AGAP1: variants seen among roughly 807,000 people sequenced by gnomAD.
AGAP1 encodes the protein arf-GAP with GTPase, ANK repeat and PH domain-containing protein 1.
AGAP1 carries 29 observed loss-of-function variants against 105.3 expected under a neutral mutation model. The ratio of observed to expected loss-of-function variants is 0.28; its 90% CI spans 0.21 to 0.38. The LOEUF (loss-of-function observed/expected upper bound fraction) is 0.38. Among genes scored for constraint, AGAP1 ranks in the 10% least tolerant of loss-of-function variants. The probability of loss-of-function intolerance (pLI) is 1.00; values close to 1 mark genes in which losing one functional copy is unlikely to be tolerated. For missense variants in AGAP1, 998 were observed against 1,165.1 expected, an observed-to-expected ratio of 0.86 and a Z score of 2.09; for synonymous variants, 509 against 485.9, an observed-to-expected ratio of 1.05 and a Z score of -0.63.
chr2:235,852,047 G>A (rs1026688577), intron 9 of AGAP1, among the ~76,000 whole-genome samples: 1 of 152,126 alleles, frequency 6.6e-6, no homozygotes, highest in Non-Finnish European at 1.5e-5. Flanking sequence ...AGCTGCTGCC[G>A]ACTCTGAAAC....
chr2:235,523,914 T>G (rs1490623687), intron 1 of AGAP1, among the ~76,000 whole-genome samples: 1 of 151,646 alleles, frequency 6.6e-6, no homozygotes, highest in Non-Finnish European at 1.5e-5. Context: ...GCAGCGTGCC[T>G]CCTCATCCCT....
chr2:235,920,141 G>T (rs2052108063), intron 11 of AGAP1, among the ~76,000 whole-genome samples: 1 of 152,154 alleles, frequency 6.6e-6, no homozygotes, highest in Admixed American at 6.5e-5. Flanking sequence ...TTGCAACTGG[G>T]TCTGGATTCT....
In AGAP1 at chr2:235,983,347, C is replaced by G. The variant is rs1307885485; in HGVS notation, c.1645+14724C>G. On this transcript the variant is annotated intron_variant, in intron 13 of 17. Coordinates refer to ENST00000304032, the MANE Select transcript of AGAP1 (RefSeq NM_001037131.3). The surrounding 1 kb of genome is among the most constrained non-coding windows in gnomAD (Gnocchi z 4.5). ...GCCCCCTCCTTTTGTTCAGCTCCTCCTCTCCAGCACCAACCTCCCATCACT... is the reference window on the plus strand; with the variant it reads ...GCCCCCTCCTTTTGTTCAGCTCCTCGTCTCCAGCACCAACCTCCCATCACT... Among the ~76,000 whole-genome samples, 1 of 152,194 alleles carries G rather than the reference C, an allele frequency of 6.6e-6. No homozygotes were observed. Among genetic ancestry groups the G allele is most frequent in the Non-Finnish European group, 1.5e-5 (1 of 68,038 alleles).
chr2:235,759,388 C>T (rs1005262942), intron 6 of AGAP1, among the ~76,000 whole-genome samples: 2 of 150,914 alleles, frequency 1.3e-5, no homozygotes, highest in Admixed American at 1.3e-4. Context: ...CCAGGATGGT[C>T]TTGATCTCCT....
At chr2:235,997,745 A>G (rs2125490581) in intron 13 of AGAP1, among the ~76,000 whole-genome samples, 1 of 152,348 alleles carries the variant, frequency 6.6e-6, no homozygotes, top group African/African-American at 2.4e-5. Context: ...CCTAACTAAA[A>G]AATCTGAAGA....
In AGAP1 at chr2:235,788,593, G is replaced by A. The variant is rs1422460695; in HGVS notation, c.674-9166G>A. 6.6e-6 allele frequency among the ~76,000 whole-genome samples: 1 copy of A among 152,008 alleles called. No individual in the cohort carries two copies. Among genetic ancestry groups the A allele is most frequent in the African/African-American group, 2.4e-5 (1 of 41,378 alleles). ...TGAGGCCGGGCAAGGAGAGGAGTGG[G>A]AGGGTCCATCGGTGTCGTCAGTGCA... On this transcript the variant is annotated intron_variant, in intron 6 of 17. Transcript: ENST00000304032. The surrounding 1 kb of genome is among the most constrained non-coding windows in gnomAD (Gnocchi z 6.0).
In AGAP1 at chr2:235,584,410, T is replaced by C. The variant is rs1488219518; in HGVS notation, c.163+89561T>C. 2.0e-5 allele frequency among the ~76,000 whole-genome samples: 3 copies of C among 149,924 alleles called. No homozygotes were observed. The East Asian group carries it at 5.9e-4, about 29-fold the overall frequency. ...GTTCAAGTCCTAACCTTGGTAGCTG[T>C]GTGTGTGGCCATACTTGGAGATGGT... On this transcript the variant is annotated intron_variant, in intron 1 of 17. Transcript: ENST00000304032.
intron 13 of AGAP1, among the ~76,000 whole-genome samples, chr2:236,034,712 C>T (rs1391466312): frequency 1.3e-5 from 2 of 152,228 alleles, no homozygotes; most frequent in African/African-American, 4.8e-5. Flanking sequence ...AGTGCCGACA[C>T]CCCAAGCGGG....
chr2:236,112,651 G>A (rs749089560), intron 16 of AGAP1, among the ~76,000 whole-genome samples: 33 of 152,112 alleles, frequency 2.2e-4, no homozygotes, highest in Non-Finnish European at 4.4e-4. Flanking sequence ...TGGGAGCAGC[G>A]TGGGCATCCC....
intron 13 of AGAP1, among the ~76,000 whole-genome samples, chr2:235,972,471 C>A (rs6717028): frequency 6.6e-6 from 1 of 152,180 alleles, no homozygotes; most frequent in East Asian, 1.9e-4. Flanking sequence ...TGCAGAGATG[C>A]GGGGAGAAAG....
rs1436154650 is a variant in AGAP1, at chr2:236,012,340, A to G, written c.1646-24221A>G. Reference sequence around the variant, plus strand: ...CTATTTATATGTAAATATTGCTGCAAGAGGTAAGTTGTACTCTTGAGGAGT... The same window carrying G: ...CTATTTATATGTAAATATTGCTGCAGGAGGTAAGTTGTACTCTTGAGGAGT... On this transcript the variant is annotated intron_variant, in intron 13 of 17. Coordinates refer to ENST00000304032, the MANE Select transcript of AGAP1 (RefSeq NM_001037131.3). This position sits in a 1 kb window ranked among gnomAD's most constrained non-coding sequence, Gnocchi z 4.9. 1.5e-4 allele frequency among the ~76,000 whole-genome samples: 22 copies of G among 145,778 alleles called. No homozygotes were observed. Among genetic ancestry groups the G allele is most frequent in the Admixed American group, 1.3e-3 (20 of 15,058 alleles).
At chr2:235,847,423 A>G (rs563523767) in intron 9 of AGAP1, among the ~76,000 whole-genome samples, 32 of 152,356 alleles carry the variant, frequency 2.1e-4, no homozygotes, top group South Asian at 4.1e-4. Context: ...CACAGTGTAC[A>G]TACTCAATAT....
Position 235,974,468 on chromosome 2 carries a change from A to T in AGAP1, c.1645+5845A>T, listed in dbSNP as rs372209586. On this transcript the variant is annotated intron_variant, in intron 13 of 17. Coordinates refer to ENST00000304032, the MANE Select transcript of AGAP1 (RefSeq NM_001037131.3). ...GAGGGTATGCAGAAATCCTGGTGTT[A>T]TCCCCCCCTTGGGTTCACAGCGCTT... Among the ~76,000 whole-genome samples, 3 of 152,334 alleles carry T rather than the reference A, an allele frequency of 2.0e-5. No individual in the cohort carries two copies. In the South Asian group the frequency reaches 6.2e-4, roughly 32 times the overall value.
intron 2 of AGAP1, 140 bp from the exon 3 acceptor site, chr2:235,717,417 A>G (rs1183080250): frequency 6.7e-6 from 4 of 598,388 alleles, no homozygotes; most frequent in Non-Finnish European, 1.2e-5. Flanking sequence ...GAAGTATTGA[A>G]TGAGCTTGTT....
At position 236,123,241 on chromosome 2, in the gene AGAP1, T is replaced by A. The variant is rs1191358250; in HGVS notation, c.2371-678T>A. On this transcript the variant is annotated intron_variant, in intron 17 of 17. Transcript: ENST00000304032. This position sits in a 1 kb window ranked among gnomAD's most constrained non-coding sequence, Gnocchi z 4.6. ...GGCATATGCCACGTGCCCAGCTAAT[T>A]TTTTTAAAATGTGTTTTTTTCTAGA... Among the ~76,000 whole-genome samples the A allele has an allele frequency of 2.0e-5, 3 of 152,140 alleles. No individual in the cohort carries two copies.
At position 236,049,078 on chromosome 2, in the gene AGAP1, G is replaced by A. The variant is rs2057817098; in HGVS notation, c.1911G>A (p.Leu637=). 6.2e-7 allele frequency: 1 copy of A among 1,614,106 alleles called. No individual in the cohort carries two copies. Among genetic ancestry groups the A allele is most frequent in the Non-Finnish European group, 8.5e-7 (1 of 1,179,964 alleles). ...CCGTAGATCCCAACTGGGCCAGTTT[G>A]AACTTGGGAGCCCTCATGTGCATCG... The part of the protein sequence containing the change: ...CETQNPNWAS[L]NLGALMCIEC... The change falls in exon 16 of 18, where the codon TTG becomes TTA. Residue 637 remains leucine (L), a synonymous_variant. Transcript: ENST00000304032.
intron 1 of AGAP1, among the ~76,000 whole-genome samples, chr2:235,624,819 C>T (rs948610957): frequency 6.6e-6 from 1 of 152,094 alleles, no homozygotes; most frequent in African/African-American, 2.4e-5. Flanking sequence ...TGGTTCAGCA[C>T]CATCCCCTTG....
chr2:235,866,740 G>A lies in AGAP1; in HGVS notation c.1051-16605G>A, dbSNP rs1286950202. On this transcript the variant is annotated intron_variant, in intron 9 of 17. Coordinates refer to ENST00000304032, the MANE Select transcript of AGAP1 (RefSeq NM_001037131.3). The surrounding 1 kb of genome is among the most constrained non-coding windows in gnomAD (Gnocchi z 6.1). ...CTTGGATCAAGGCCTCAGTGGGATT[G>A]GCTTCTCCTGAAGCCTCTCTCCTTG... is the stretch of plus-strand genomic sequence containing the variant. Among the ~76,000 whole-genome samples the A allele has an allele frequency of 1.3e-5, 2 of 152,170 alleles. No homozygotes were observed. The highest frequency in any genetic ancestry group is 6.5e-5 in the Admixed American group (1 of 15,284).
At chr2:236,054,374 A>G (rs2057991615) in intron 16 of AGAP1, among the ~76,000 whole-genome samples, 1 of 150,272 alleles carries the variant, frequency 6.7e-6, no homozygotes, top group South Asian at 2.1e-4. Flanking sequence ...CAGCCCCAGG[A>G]TTGTCTCATC....
Sources: allele counts gnomAD v4.1 joint callset (sites outside exome capture counted in the v4.1 genomes callset), GRCh38; gene constraint gnomAD v4.1.1; non-coding constraint Gnocchi (gnomAD v3.1); transcripts MANE v1.5; gene names NCBI Gene and HGNC (gene_info 2026-07-23, HGNC 2026-07-21).